Variants in TAB1 observed in about 807,000 individuals in gnomAD.
TAB1 encodes TGF-beta-activated kinase 1 and MAP3K7-binding protein 1.
Under a neutral mutation model 54.5 loss-of-function variants are expected in TAB1, and 30 were observed. The ratio of observed to expected loss-of-function variants is 0.55; its 90% CI spans 0.41 to 0.75. The LOEUF is 0.75. Among genes scored for constraint, TAB1 ranks in the 30% least tolerant of loss-of-function variants. The pLI, the probability that TAB1 is intolerant of heterozygous loss-of-function variation, is 0.00. For missense variants in TAB1, 609 were observed against 683.2 expected (o/e 0.89, Z 1.21); for synonymous variants, 289 against 286.9 (o/e 1.01, Z -0.07).
At chr22:39,408,222 G>A (rs904472981) in intron 1 of TAB1, among the ~76,000 whole-genome samples, 11 of 152,268 alleles carry the variant, frequency 7.2e-5, no homozygotes, top group African/African-American at 2.2e-4. Flanking sequence ...CACTATTCAC[G>A]GGTACTTAAT....
chr22:39,421,995 A>G (rs1927111676), intron 8 of TAB1, 24 bp downstream of exon 8: 1 of 1,506,672 alleles, frequency 6.6e-7, no homozygotes, highest in Non-Finnish European at 8.8e-7. Flanking sequence ...AGCCACGCCC[A>G]TGGCCGGAGA....
chr22:39,411,898 G>A, intron 1 of TAB1, among the ~76,000 whole-genome samples: 1 of 152,234 alleles, frequency 6.6e-6, no homozygotes, highest in East Asian at 1.9e-4. Context: ...CTATGAAAGA[G>A]AGAGAGAGAC....
In TAB1 at chr22:39,431,706, T is replaced by C. The variant is rs1466987048; in HGVS notation, c.*1484T>C. 1.0e-6 allele frequency: 1 copy of C among 985,368 alleles called. No homozygotes were observed. Among genetic ancestry groups the C allele is most frequent in the Non-Finnish European group, 1.2e-6 (1 of 829,984 alleles). The allele number at this position is 985,368 out of a possible 1,614,324, so 61.0% of individuals were successfully genotyped here. Reference sequence around the variant, plus strand: ...TCGCTCACTCCCTCACTCCCCACTTTGAAGCCATCTCTGTTCTGCAGGTGA... The same window carrying C: ...TCGCTCACTCCCTCACTCCCCACTTCGAAGCCATCTCTGTTCTGCAGGTGA... On this transcript the variant is annotated 3_prime_UTR_variant, in exon 11 of 11. Coordinates refer to ENST00000216160, the MANE Select transcript of TAB1 (RefSeq NM_006116.3).
At chr22:39,420,980 T>G (rs1320887884) in intron 7 of TAB1, among the ~76,000 whole-genome samples, 2 of 147,850 alleles carry the variant, frequency 1.4e-5, no homozygotes, top group South Asian at 2.2e-4. Context: ...CAGGTGCTGG[T>G]GTGTCCTGCC....
At chr22:39,425,873 C>CTTT (rs756738890) in intron 8 of TAB1, among the ~76,000 whole-genome samples, 2 of 134,634 alleles carry the variant, frequency 1.5e-5, no homozygotes. Flanking sequence ...ACGATATTTT[C>CTTT]TTTTTTTTTT....
intron 1 of TAB1, 117 bp from the exon 2 acceptor site, chr22:39,414,889 G>A: frequency 8.7e-7 from 1 of 1,144,878 alleles, no homozygotes; most frequent in Non-Finnish European, 1.2e-6. Flanking sequence ...GAAGGAAGTG[G>A]AACCCTCTGT....
intron 10 of TAB1, among the ~76,000 whole-genome samples, chr22:39,428,417 T>C (rs541332347): frequency 6.6e-6 from 1 of 152,352 alleles, no homozygotes; most frequent in African/African-American, 2.4e-5. Context: ...TGTGGGCCCA[T>C]CTGCTGGTTT....
chr22:39,404,714 C>T (rs957676807), intron 1 of TAB1, among the ~76,000 whole-genome samples: 2 of 152,112 alleles, frequency 1.3e-5, no homozygotes, highest in Admixed American at 6.5e-5. Flanking sequence ...ATAAAAAGGT[C>T]CATGGGGGTA....
intron 1 of TAB1, among the ~76,000 whole-genome samples, chr22:39,412,892 C>CTTTTT (rs34847488): frequency 4.4e-5 from 4 of 90,466 alleles, no homozygotes; most frequent in African/African-American, 1.3e-4. Flanking sequence ...TATCCTGCAA[C>CTTTTT]TTTTTTTTTT....
intron 8 of TAB1, among the ~76,000 whole-genome samples, chr22:39,425,408 C>G (rs1418111030): frequency 3.3e-5 from 5 of 151,706 alleles, no homozygotes; most frequent in African/African-American, 7.3e-5. Context: ...ACATGGGATT[C>G]AACATTTTCT....
intron 8 of TAB1, among the ~76,000 whole-genome samples, chr22:39,423,327 G>A (rs1192531732): frequency 3.9e-5 from 6 of 152,144 alleles, no homozygotes; most frequent in African/African-American, 9.7e-5. Flanking sequence ...TGTATTGGCC[G>A]GGCACAGTGG....
chr22:39,421,349 C>A (rs1927081250), intron 7 of TAB1, among the ~76,000 whole-genome samples: 1 of 152,204 alleles, frequency 6.6e-6, no homozygotes, highest in African/African-American at 2.4e-5. Flanking sequence ...CATGTACTTA[C>A]CTCCATGTGC....
chr22:39,404,558 A>AC (rs11387707), intron 1 of TAB1, among the ~76,000 whole-genome samples: 105,761 of 150,972 alleles, frequency 0.7, 37,325 homozygotes, highest in East Asian at 0.93. Flanking sequence ...ACACAGCAAG[A>AC]CCTGTTTAAA....
chr22:39,433,958 G>A (rs1927686096), downstream of TAB1: 1 of 392,306 alleles, frequency 2.5e-6, no homozygotes, highest in Non-Finnish European at 3.4e-6. Flanking sequence ...GTCGCCTCTC[G>A]CCTGCTCCAC....
In TAB1 at chr22:39,430,771, T is replaced by C. The variant is rs1927556815; in HGVS notation, c.*549T>C. The C allele has an allele frequency of 5.0e-6, 5 of 1,006,680 alleles. No individual in the cohort carries two copies. The South Asian group carries it at 1.7e-4, about 34-fold the overall frequency. 62.4% of individuals were successfully genotyped at this position (1,006,680 alleles called of 1,614,324 possible). On this transcript the variant is annotated 3_prime_UTR_variant, in exon 11 of 11. Coordinates refer to ENST00000216160, the MANE Select transcript of TAB1 (RefSeq NM_006116.3). ...CCCTGGACCTGCCTTGGTTGTGTCATCTGTTGTAAACGTTCAGGAGGACCA... is the reference window on the plus strand; with the variant it reads ...CCCTGGACCTGCCTTGGTTGTGTCACCTGTTGTAAACGTTCAGGAGGACCA...
At chr22:39,404,302 G>A (rs1308272055) in intron 1 of TAB1, among the ~76,000 whole-genome samples, 1 of 152,180 alleles carries the variant, frequency 6.6e-6, no homozygotes, top group Non-Finnish European at 1.5e-5. Context: ...AAGAAAATCA[G>A]GCTAGGCATG....
chr22:39,422,061 C>T (rs560960297), intron 8 of TAB1, 90 bp downstream of exon 8: 328 of 1,194,802 alleles, frequency 2.7e-4, no homozygotes, highest in Admixed American at 6.3e-4. Context: ...CTGTGATTCT[C>T]GGAGGCCGTC....
chr22:39,435,086 C>T (rs1927732979), downstream of TAB1, among the ~76,000 whole-genome samples: 1 of 152,102 alleles, frequency 6.6e-6, no homozygotes, highest in Admixed American at 6.5e-5. Context: ...TCTGAGACTT[C>T]GCTGCAGGAT....
At position 39,431,291 on chromosome 22, in the gene TAB1, A is replaced by AG. The variant is rs1927574318; in HGVS notation, c.*1074dup. On this transcript the variant is annotated 3_prime_UTR_variant, in exon 11 of 11. Transcript: ENST00000216160. ...CACATGTTCTCTGCCTTCAGTGGGG[A>AG]GGGGGTGCCACCAGGGCTGTCGGCC... 7.1e-6 allele frequency: 7 copies of AG among 985,478 alleles called. No individual in the cohort carries two copies. The highest frequency in any genetic ancestry group is 8.4e-6 in the Non-Finnish European group (7 of 830,066). The allele number at this position is 985,478 out of a possible 1,614,324, so 61.0% of individuals were successfully genotyped here.
Sources: gnomAD v4.1 joint callset for allele counts (sites outside exome capture counted in the v4.1 genomes callset) on GRCh38, gnomAD v4.1.1 for gene constraint, MANE v1.5 for transcripts, NCBI Gene and HGNC (gene_info 2026-07-23, HGNC 2026-07-21) for gene names.